Variants in INO80 observed in about 807,000 individuals in gnomAD.
INO80 encodes INO80 complex ATPase subunit.
Under a neutral mutation model 203.4 loss-of-function variants are expected in INO80, and 20 were observed. That is an observed-to-expected ratio of 0.10 (90% CI 0.07 to 0.14). The LOEUF (loss-of-function observed/expected upper bound fraction) is 0.14, where lower values mean the gene tolerates loss of function less well. Ranked by LOEUF, INO80 falls within the 10% of genes least tolerant of loss-of-function variation. The pLI is 1.00. For synonymous variants in INO80, 726 were observed against 685.2 expected (o/e 1.06, Z -0.93); for missense variants, 1,419 against 1,914.4 (o/e 0.74, Z 4.83).
intron 11 of INO80, 22 bp from the exon 12 acceptor site, chr15:41,072,080 AAT>A (rs1188893326): frequency 3.5e-6 from 5 of 1,428,010 alleles, no homozygotes; most frequent in Admixed American, 4.5e-5. Flanking sequence ...AAAAAAAAAA[AAT>A]TAGAAAAAAA....
chr15:41,068,063 T>C (rs1208028830), intron 14 of INO80, among the ~76,000 whole-genome samples: 1 of 152,190 alleles, frequency 6.6e-6, no homozygotes, highest in Non-Finnish European at 1.5e-5. Context: ...TAAATCGATG[T>C]TCACATTATC....
At chr15:40,985,112 T>A (rs1466500319) in intron 32 of INO80, among the ~76,000 whole-genome samples, 2 of 152,136 alleles carry the variant, frequency 1.3e-5, no homozygotes, top group South Asian at 2.1e-4. Context: ...TTTCCATAAT[T>A]AAACTGTGAC....
At chr15:41,069,511 G>T in intron 14 of INO80, 59 bp downstream of exon 14, 1 of 1,021,020 alleles carries the variant, frequency 9.8e-7, no homozygotes. Context: ...GGCAAGAAAA[G>T]GAGAGTCAAA....
Position 40,979,963 on chromosome 15 carries a change from TTG to T in INO80, c.*258_*259del. The T allele has an allele frequency of 1.9e-6, 1 of 514,698 alleles. No homozygotes were observed. The highest frequency in any genetic ancestry group is 3.5e-6 in the Non-Finnish European group (1 of 283,724). The allele number at this position is 514,698 out of a possible 1,614,324, so 31.9% of individuals were successfully genotyped here. The stretch of plus-strand genomic sequence containing the variant: ...GCTTGCCCCGTGAGAGGTTTAAGAC[TTG>T]GCTATACAGTTCACTTGAGATGCAG... On this transcript the variant is annotated 3_prime_UTR_variant, in exon 36 of 36. Transcript: ENST00000648947.
chr15:41,088,998 G>T (rs1475601961), intron 5 of INO80, among the ~76,000 whole-genome samples: 2 of 151,800 alleles, frequency 1.3e-5, no homozygotes, highest in African/African-American at 2.4e-5. Context: ...AGACCAGCCT[G>T]GCCAACATGA....
chr15:41,114,718 A>C (rs2046004455), intron 1 of INO80, among the ~76,000 whole-genome samples: 1 of 152,164 alleles, frequency 6.6e-6, no homozygotes, highest in Non-Finnish European at 1.5e-5. Context: ...CAAAAAAAAA[A>C]AAAAAAAGGA....
chr15:41,104,619 C>A (rs548137067), intron 1 of INO80, among the ~76,000 whole-genome samples: 3 of 152,024 alleles, frequency 2.0e-5, no homozygotes, highest in Non-Finnish European at 4.4e-5. Flanking sequence ...CTCACTGCAA[C>A]CTCCGCCTCC....
chr15:41,102,206 G>A (rs575983876), intron 1 of INO80, among the ~76,000 whole-genome samples: 11 of 152,014 alleles, frequency 7.2e-5, no homozygotes, highest in African/African-American at 2.4e-4. Context: ...AAGAAGATAC[G>A]ACTATGTCTT....
chr15:41,062,577 T>C (rs1394013363), intron 14 of INO80, among the ~76,000 whole-genome samples: 18 of 152,196 alleles, frequency 1.2e-4, no homozygotes, highest in Admixed American at 1.2e-3. Context: ...ACTAGTGCTA[T>C]GGTTTGAACA....
chr15:41,107,405 G>C (rs991499037), intron 1 of INO80, among the ~76,000 whole-genome samples: 1 of 152,086 alleles, frequency 6.6e-6, no homozygotes, highest in Admixed American at 6.6e-5. Context: ...GGAGGCTGAG[G>C]CAGGAGAATT....
intron 24 of INO80, 116 bp downstream of exon 24, chr15:41,044,788 C>T: frequency 2.2e-6 from 2 of 889,012 alleles, no homozygotes; most frequent in Non-Finnish European, 1.7e-6. Context: ...CCGCCCACTC[C>T]TCTGGGAACT....
intron 10 of INO80, 70 bp downstream of exon 10, chr15:41,074,300 T>A: frequency 2.6e-6 from 3 of 1,170,338 alleles, no homozygotes; most frequent in Non-Finnish European, 3.5e-6. Context: ...TTCGCAAAAA[T>A]TAATGTATAT....
chr15:40,998,179 A>G (rs905842937), intron 28 of INO80, among the ~76,000 whole-genome samples: 30 of 151,472 alleles, frequency 2.0e-4, no homozygotes, highest in Admixed American at 1.8e-3. Flanking sequence ...TCGCCACCAC[A>G]CCTGCCTAAT....
intron 27 of INO80, among the ~76,000 whole-genome samples, chr15:41,015,794 A>C (rs896418281): frequency 3.3e-5 from 5 of 150,008 alleles, no homozygotes; most frequent in Non-Finnish European, 7.4e-5. Flanking sequence ...AAAAAAAAAA[A>C]AAAAGAGCTG....
chr15:41,086,477 C>A (rs1203794538), intron 6 of INO80, among the ~76,000 whole-genome samples: 1 of 151,882 alleles, frequency 6.6e-6, no homozygotes, highest in Non-Finnish European at 1.5e-5. Context: ...ATGGTGAAAC[C>A]CCATCTCTAC....
At chr15:41,008,156 CA>C (rs1254319163) in intron 27 of INO80, among the ~76,000 whole-genome samples, 1 of 151,818 alleles carries the variant, frequency 6.6e-6, no homozygotes, top group Non-Finnish European at 1.5e-5. Flanking sequence ...GCCTGGGCAA[CA>C]GGGTGATTGT....
chr15:41,111,663 C>A (rs1277831265), intron 1 of INO80, among the ~76,000 whole-genome samples: 1 of 149,688 alleles, frequency 6.7e-6, no homozygotes. Flanking sequence ...ATTAGCCGGG[C>A]GTGGTGGTGC....
chr15:40,979,056 T>C lies in INO80; in HGVS notation c.*1167A>G, dbSNP rs1246486494. 13 of 152,680 alleles carry C rather than the reference T, an allele frequency of 8.5e-5. No homozygotes were observed. Among genetic ancestry groups the C allele is most frequent in the Admixed American group, 8.5e-4 (13 of 15,286 alleles). The allele number at this position is 152,680 out of a possible 1,614,324, so 9.5% of individuals were successfully genotyped here. A position where few individuals can be genotyped will look rare whatever the true frequency, so the allele number is the denominator to read the frequency against. On this transcript the variant is annotated 3_prime_UTR_variant, in exon 36 of 36. Coordinates refer to ENST00000648947, the MANE Select transcript of INO80 (RefSeq NM_017553.3). ...TAAATAGCATCTGTACACAGGAATCTGGGTTTGAGCAGGGGAATCTTAATG... is the reference window on the plus strand; with the variant it reads ...TAAATAGCATCTGTACACAGGAATCCGGGTTTGAGCAGGGGAATCTTAATG...
chr15:40,980,449 A>G lies in INO80; in HGVS notation c.4454-9T>C. On this transcript the variant is annotated splice_polypyrimidine_tract_variant and intron_variant, in intron 35 of 35. Coordinates refer to ENST00000648947, the MANE Select transcript of INO80 (RefSeq NM_017553.3). ...ACTGCTGGCGGAGATTCCTGTGGGG[A>G]CGGAGAGAGACAAGAACGTAAGCAC... The G allele has an allele frequency of 6.2e-7, 1 of 1,606,202 alleles. No individual in the cohort carries two copies.
Sources: gnomAD v4.1 joint callset for allele counts (sites outside exome capture counted in the v4.1 genomes callset) on GRCh38, gnomAD v4.1.1 for gene constraint, MANE v1.5 for transcripts, NCBI Gene and HGNC (gene_info 2026-07-23, HGNC 2026-07-21) for gene names.